The following TEX11 variants were observed in gnomAD, a reference collection of about 807,000 sequenced individuals.
TEX11 encodes testis-expressed protein 11.
In TEX11, 7 loss-of-function variants were observed where a neutral mutation model predicts 84.4. The observed-to-expected ratio is 0.08, with a 90% confidence interval of 0.05 to 0.16. The LOEUF (loss-of-function observed/expected upper bound fraction) is 0.16, where lower values mean the gene tolerates loss of function less well. Ranked by LOEUF, TEX11 falls within the 10% of genes least tolerant of loss-of-function variation. TEX11 has a pLI of 1.00. For missense variants in TEX11, 551 were observed against 660.5 expected, an observed-to-expected ratio of 0.83 and a Z score of 1.82; for synonymous variants, 264 against 222.8, an observed-to-expected ratio of 1.18 and a Z score of -1.64.
At position 70,880,022 on chromosome X, in the gene TEX11, T is replaced by C; in HGVS notation, c.125A>G (p.Asn42Ser). 6.7e-6 allele frequency: 8 copies of C among 1,192,962 alleles called. No individual in the cohort carries two copies. The highest frequency in any genetic ancestry group is 9.1e-6 in the Non-Finnish European group (8 of 881,584). ...TGTTATTTCAGCCATAGACTCCCTG[T>C]TGATATTTGCTATGTCGCTGAAGAG... ...DRLFSDIANI[N>S]RESMAEITDI... is the part of the protein sequence containing the mutation. Residue 42 changes from asparagine to serine, a missense_variant, in exon 3 of 30, where the codon AAC becomes AGC. Transcript: ENST00000374333.
intron 9 of TEX11, among the ~76,000 whole-genome samples, chrX:70,788,957 TATATATATATATATATAGAGAG>T (rs2091097809): frequency 4.6e-5 from 2 of 43,082 alleles, no homozygotes; most frequent in Non-Finnish European, 7.9e-5. Flanking sequence ...TATATATATA[TATATATATATATATATAGAGAG>T]AGAGAGAGAG....
chrX:70,626,463 C>T (rs2089452705), intron 18 of TEX11, among the ~76,000 whole-genome samples: 1 of 110,861 alleles, frequency 9.0e-6, no homozygotes, highest in African/African-American at 3.3e-5. Context: ...ACCCTGACTC[C>T]AGCAATCCTT....
chrX:70,906,490 T>A (rs190423903), intron 2 of TEX11, among the ~76,000 whole-genome samples: 1 of 111,008 alleles, frequency 9.0e-6, no homozygotes, highest in Admixed American at 9.8e-5. Context: ...GTTATTGTTT[T>A]AAAATAACAA....
intron 25 of TEX11, among the ~76,000 whole-genome samples, chrX:70,584,098 T>C (rs2088817975): frequency 9.4e-6 from 1 of 105,836 alleles, no homozygotes; most frequent in East Asian, 3.0e-4. Context: ...GCTAACAAGG[T>C]GAAACCCCGT....
intron 9 of TEX11, among the ~76,000 whole-genome samples, chrX:70,751,488 TG>T (rs2090824748): frequency 2.5e-5 from 1 of 39,374 alleles, no homozygotes; most frequent in Non-Finnish European, 4.2e-5. Context: ...TGTTGTGGGG[TG>T]GGGGGAGGGG....
chrX:70,530,834 G>A (rs1289774297), intron 28 of TEX11, among the ~76,000 whole-genome samples: 1 of 111,917 alleles, frequency 8.9e-6, no homozygotes, highest in Non-Finnish European at 1.9e-5. Flanking sequence ...TTATCCTAAA[G>A]GTTGTGCAAT....
At chrX:70,788,964 AT>A (rs2091098881) in intron 9 of TEX11, among the ~76,000 whole-genome samples, 3 of 44,365 alleles carry the variant, frequency 6.8e-5, no homozygotes, top group African/African-American at 3.2e-4. Context: ...ATATATATAT[AT>A]ATATATATAG....
At chrX:70,780,987 T>C (rs1394367915) in intron 9 of TEX11, among the ~76,000 whole-genome samples, 1 of 112,269 alleles carries the variant, frequency 8.9e-6, no homozygotes, top group African/African-American at 3.2e-5. Flanking sequence ...GCTCGGAGAA[T>C]GGACAGACTG....
At chrX:70,762,558 C>T (rs950539070) in intron 9 of TEX11, among the ~76,000 whole-genome samples, 4 of 110,371 alleles carry the variant, frequency 3.6e-5, no homozygotes, top group African/African-American at 1.3e-4. Flanking sequence ...TTGTGAACTG[C>T]GCATGCAAGG....
intron 13 of TEX11, among the ~76,000 whole-genome samples, chrX:70,696,872 C>T (rs908015059): frequency 8.9e-6 from 1 of 112,416 alleles, no homozygotes; most frequent in African/African-American, 3.2e-5. Flanking sequence ...TAGGCTCACA[C>T]AAGGCCAAAG....
chrX:70,665,456 T>C (rs758861476), intron 16 of TEX11, among the ~76,000 whole-genome samples: 8 of 111,856 alleles, frequency 7.2e-5, no homozygotes, highest in Non-Finnish European at 1.1e-4. Context: ...AAAATCAGGA[T>C]ACCAGGCTTA....
At chrX:70,867,489 C>T (rs1479150029) in intron 4 of TEX11, among the ~76,000 whole-genome samples, 3 of 111,682 alleles carry the variant, frequency 2.7e-5, no homozygotes, top group Non-Finnish European at 5.6e-5. Flanking sequence ...CATCAAGCTA[C>T]CACTGACTTT....
chrX:70,601,677 C>T (rs2089115759), intron 24 of TEX11, among the ~76,000 whole-genome samples: 2 of 99,710 alleles, frequency 2.0e-5, no homozygotes, highest in Admixed American at 1.1e-4. Flanking sequence ...GGCAGAGGAC[C>T]CTGCGGCCTT....
chrX:70,675,581 CTT>C (rs1283517485), intron 15 of TEX11, among the ~76,000 whole-genome samples: 7 of 108,182 alleles, frequency 6.5e-5, no homozygotes, highest in African/African-American at 1.0e-4. Context: ...CTCTCTCTCT[CTT>C]CTTTCTCTTC....
chrX:70,526,139 A>T (rs2147920557), downstream of TEX11, among the ~76,000 whole-genome samples: 1 of 111,682 alleles, frequency 9.0e-6, no homozygotes, highest in East Asian at 2.8e-4. Context: ...TGAGTAGGAG[A>T]TTGGGATCAT....
At chrX:70,871,664 A>C (rs1215886060) in intron 4 of TEX11, among the ~76,000 whole-genome samples, 2 of 111,432 alleles carry the variant, frequency 1.8e-5, no homozygotes, top group African/African-American at 6.5e-5. Context: ...TACACATAAC[A>C]AGCACCCAAA....
intron 28 of TEX11, among the ~76,000 whole-genome samples, chrX:70,545,901 A>G (rs766113969): frequency 1.8e-5 from 2 of 112,095 alleles, no homozygotes; most frequent in Admixed American, 9.5e-5. Flanking sequence ...CTATATTTAT[A>G]TATTAAGAAG....
At chrX:70,617,504 G>A (rs2089333304) in intron 20 of TEX11, among the ~76,000 whole-genome samples, 1 of 107,723 alleles carries the variant, frequency 9.3e-6, no homozygotes, top group Non-Finnish European at 1.9e-5. Flanking sequence ...AGCCATAAAA[G>A]GAATGAAACC....
chrX:70,691,921 C>G (rs1048659741), intron 13 of TEX11, among the ~76,000 whole-genome samples: 2 of 108,578 alleles, frequency 1.8e-5, no homozygotes, highest in African/African-American at 6.7e-5. Flanking sequence ...TAAATATACA[C>G]AATTTTTAAT....
Sources: allele counts gnomAD v4.1 joint callset (sites outside exome capture counted in the v4.1 genomes callset), GRCh38; gene constraint gnomAD v4.1.1; transcripts MANE v1.5; gene names NCBI Gene and HGNC (gene_info 2026-07-23, HGNC 2026-07-21).